Variants in PLAAT2 observed in about 807,000 individuals in gnomAD.
PLAAT2 encodes HRAS like suppressor 2.
In PLAAT2, 12 loss-of-function variants were observed where a neutral mutation model predicts 12.8. That is an observed-to-expected ratio of 0.94 (90% confidence interval 0.60 to 1.52). The LOEUF (loss-of-function observed/expected upper bound fraction) is 1.52. PLAAT2 is among the 40% of genes most tolerant of loss of function. The pLI is 0.00. For synonymous variants in PLAAT2, 79 were observed against 86.8 expected (o/e 0.91, Z 0.50); for missense variants, 166 against 208.1 (o/e 0.80, Z 1.24).
At chr11:63,557,958 G>A (rs945153015) in intron 3 of PLAAT2, among the ~76,000 whole-genome samples, 6 of 152,054 alleles carry the variant, frequency 3.9e-5, no homozygotes, top group African/African-American at 1.2e-4. Flanking sequence ...TTCCTTGATC[G>A]GGGCCCTTGG....
At chr11:63,561,504 G>C (rs1251961081) in intron 1 of PLAAT2, among the ~76,000 whole-genome samples, 1 of 152,026 alleles carries the variant, frequency 6.6e-6, no homozygotes, top group Non-Finnish European at 1.5e-5. Context: ...AATTAGCTGG[G>C]TATAGTGGCA....
chr11:63,565,032 T>C (rs1336184371), upstream of PLAAT2, among the ~76,000 whole-genome samples: 2 of 151,936 alleles, frequency 1.3e-5, no homozygotes, highest in Admixed American at 6.6e-5. Flanking sequence ...CCAGGAGCTA[T>C]AGGAAAGGAG....
At chr11:63,553,153 A>C in intron 3 of PLAAT2, 88 bp from the exon 4 acceptor site, 41 of 784,078 alleles carry the variant, frequency 5.2e-5, no homozygotes, top group Non-Finnish European at 7.5e-5. Flanking sequence ...GGAAAGACTC[A>C]TCTGGCCCAG....
intron 3 of PLAAT2, among the ~76,000 whole-genome samples, chr11:63,556,540 A>AGCAGGGTT (rs2017468336): frequency 6.6e-6 from 1 of 151,646 alleles, no homozygotes; most frequent in African/African-American, 2.4e-5. Context: ...CAGAGGGGAG[A>AGCAGGGTT]CCCTGTCAGC....
At position 63,558,315 on chromosome 11, in the gene PLAAT2, C is replaced by T. The variant is rs966639135; in HGVS notation, c.387+77G>A. 14 of 1,529,744 alleles carry T rather than the reference C, an allele frequency of 9.2e-6. No individual in the cohort carries two copies. The Admixed American group carries it at 1.7e-4, about 19-fold the overall frequency. 94.8% of individuals were successfully genotyped at this position (1,529,744 alleles called of 1,614,324 possible). On this transcript the variant is annotated intron_variant, in intron 3 of 3. Coordinates refer to ENST00000255695, the MANE Select transcript of PLAAT2 (RefSeq NM_017878.2). ...CATGTCTATTTCCATCCCACCCTGG[C>T]CCCAGCAGGGACCCAGCCTCTGGCA... is the stretch of plus-strand genomic sequence containing the variant.
intron 1 of PLAAT2, among the ~76,000 whole-genome samples, chr11:63,561,773 TC>T (rs981539383): frequency 6.7e-6 from 1 of 149,722 alleles, no homozygotes; most frequent in African/African-American, 2.5e-5. Context: ...TACCACATGT[TC>T]CCCCCCAGAA....
rs560587267 is a variant in PLAAT2, at chr11:63,554,781, T to C, written c.388-1716A>G. On this transcript the variant is annotated intron_variant, in intron 3 of 3. Coordinates refer to ENST00000255695, the MANE Select transcript of PLAAT2 (RefSeq NM_017878.2). ...AACCAGCGACCAAATAGCAGATTTC[T>C]GTGGAGTATCAATGAATTTGAAGCA... Among the ~76,000 whole-genome samples the C allele has an allele frequency of 7.9e-5, 12 of 152,242 alleles. No homozygotes were observed. In the South Asian group the frequency reaches 1.9e-3, roughly 24 times the overall value.
intron 1 of PLAAT2, among the ~76,000 whole-genome samples, chr11:63,561,674 C>T (rs542848845): frequency 2.9e-4 from 35 of 121,812 alleles, no homozygotes; most frequent in African/African-American, 1.1e-3. Context: ...AAAAAAAAGA[C>T]TACGCATTGG....
At chr11:63,560,221 G>A in intron 1 of PLAAT2, 28 bp from the exon 2 acceptor site, 1 of 1,562,848 alleles carries the variant, frequency 6.4e-7, no homozygotes, top group Non-Finnish European at 8.8e-7. Context: ...GAAACAGGCA[G>A]AGGTGAGCCA....
intron 1 of PLAAT2, 82 bp from the exon 2 acceptor site, chr11:63,560,275 C>A: frequency 1.0e-6 from 1 of 982,678 alleles, no homozygotes; most frequent in Non-Finnish European, 1.6e-6. Flanking sequence ...GGAGCCCCAG[C>A]TCAGCCTGCA....
rs2017490127 is a variant in PLAAT2, at chr11:63,558,598, T to A, written c.181A>T (p.Lys61Ter). 1.2e-6 allele frequency: 2 copies of A among 1,614,208 alleles called. No homozygotes were observed. Among genetic ancestry groups the A allele is most frequent in the Non-Finnish European group, 1.7e-6 (2 of 1,180,038 alleles). Residue 61 changes from lysine (K) to a stop codon, truncating the protein, a stop_gained, in exon 3 of 4, where the codon AAG (lysine) becomes TAG (stop). Transcript: ENST00000255695. LOFTEE classifies it high-confidence loss of function. The part of the protein sequence containing the change: ...LSALTNKAIV[K>*]KELLSVVAGG... ...GCCACCACAGACAGCAGTTCCTTCT[T>A]CACTATGGCTTTGTTGGTCAGGGCA...
chr11:63,558,308 A>C (rs1475088751), intron 3 of PLAAT2, 84 bp downstream of exon 3: 3 of 1,486,360 alleles, frequency 2.0e-6, no homozygotes, highest in Non-Finnish European at 2.8e-6. Flanking sequence ...TTTCCATCCC[A>C]CCCTGGCCCC....
At chr11:63,564,642 T>G (rs1412733723), upstream of PLAAT2, among the ~76,000 whole-genome samples, 3 of 152,140 alleles carry the variant, frequency 2.0e-5, no homozygotes, top group African/African-American at 7.2e-5. Context: ...CTCCTCTGAG[T>G]TGCAGTGGGA....
intron 3 of PLAAT2, among the ~76,000 whole-genome samples, chr11:63,554,673 G>A (rs1222318434): frequency 2.0e-5 from 3 of 150,436 alleles, no homozygotes; most frequent in Middle Eastern, 3.5e-3. Context: ...AAGCCACACA[G>A]CTGACAAGTG....
chr11:63,564,315 T>A (rs1300133714), upstream of PLAAT2, among the ~76,000 whole-genome samples: 1 of 136,670 alleles, frequency 7.3e-6, no homozygotes, highest in Non-Finnish European at 1.5e-5. Flanking sequence ...AAGCTCCAAA[T>A]AAGTATCTCT....
intron 3 of PLAAT2, among the ~76,000 whole-genome samples, chr11:63,556,177 GGA>G (rs1223996917): frequency 1.3e-5 from 2 of 152,122 alleles, no homozygotes; most frequent in African/African-American, 4.8e-5. Context: ...GACAGACAGA[GGA>G]GAGTCTTTCC....
chr11:63,555,816 G>A (rs2017461334), intron 3 of PLAAT2, among the ~76,000 whole-genome samples: 1 of 152,198 alleles, frequency 6.6e-6, no homozygotes, highest in Non-Finnish European at 1.5e-5. Flanking sequence ...AGGGGGTCCT[G>A]GAATCAATCC....
At chr11:63,562,047 T>G (rs1161848034) in intron 1 of PLAAT2, among the ~76,000 whole-genome samples, 3 of 152,200 alleles carry the variant, frequency 2.0e-5, no homozygotes, top group Non-Finnish European at 4.4e-5. Flanking sequence ...CTAACTGAAT[T>G]GTCCTCACGG....
intron 1 of PLAAT2, among the ~76,000 whole-genome samples, chr11:63,561,775 C>T (rs2017521473): frequency 6.6e-6 from 1 of 151,576 alleles, no homozygotes; most frequent in Non-Finnish European, 1.5e-5. Context: ...CCACATGTTC[C>T]CCCCCAGAAC....
Sources: allele counts gnomAD v4.1 joint callset (sites outside exome capture counted in the v4.1 genomes callset), GRCh38; gene constraint gnomAD v4.1.1; transcripts MANE v1.5; gene names NCBI Gene and HGNC (gene_info 2026-07-23, HGNC 2026-07-21).